ROBO2: variants seen among roughly 807,000 people sequenced by gnomAD.
The protein encoded by ROBO2 is roundabout homolog 2.
Under a neutral mutation model 160.8 loss-of-function variants are expected in ROBO2, and 53 were observed. That is an observed-to-expected ratio of 0.33 (90% CI 0.26 to 0.41). The LOEUF (loss-of-function observed/expected upper bound fraction) is 0.41. ROBO2 is among the 10% of genes least tolerant of loss of function. The pLI, the probability that ROBO2 is intolerant of heterozygous loss-of-function variation, is 1.00. For synonymous variants in ROBO2, 664 were observed against 611.7 expected, an observed-to-expected ratio of 1.09 and a Z score of -1.26; for missense variants, 1,577 against 1,722.4, an observed-to-expected ratio of 0.92 and a Z score of 1.49.
rs1481944248 is a variant in ROBO2 at position 77,087,795 on chromosome 3, TTCA to T, written c.62-10214_62-10212del. Among the ~76,000 whole-genome samples, 6 of 152,134 alleles carry T rather than the reference TTCA, an allele frequency of 3.9e-5. No homozygotes were observed. In the East Asian group the frequency reaches 7.7e-4, roughly 20 times the overall value. ...ATGTATATATACATATATGTATGTA[TTCA>T]TCATGGAGTCATAGGAATGTTGTAT... On this transcript the variant is annotated intron_variant, in intron 1 of 25. Transcript: ENST00000461745.
At chr3:76,021,715 G>A (rs1215434631) in intron 2 of ROBO2, among the ~76,000 whole-genome samples, 9 of 151,868 alleles carry the variant, frequency 5.9e-5, no homozygotes, top group South Asian at 2.1e-4. Context: ...TTTAATATAC[G>A]TTATTGCTAA....
At chr3:77,492,566 A>G (rs2086262723) in intron 4 of ROBO2, among the ~76,000 whole-genome samples, 1 of 152,166 alleles carries the variant, frequency 6.6e-6, no homozygotes, top group African/African-American at 2.4e-5. Flanking sequence ...AAATGGGTAG[A>G]TATCTCAAAC....
At chr3:77,187,409 G>A (rs188403205) in intron 2 of ROBO2, among the ~76,000 whole-genome samples, 1 of 151,908 alleles carries the variant, frequency 6.6e-6, no homozygotes, top group Non-Finnish European at 1.5e-5. Context: ...TTTGAATACA[G>A]TTCAAAATAA....
At chr3:76,829,830 G>A (rs192299310) in intron 2 of ROBO2, among the ~76,000 whole-genome samples, 283 of 152,000 alleles carry the variant, frequency 1.9e-3, no homozygotes, top group African/African-American at 5.8e-3. Flanking sequence ...CACCATGCCC[G>A]GCTAATTTTG....
chr3:77,248,479 A>G (rs2089983165), intron 2 of ROBO2, among the ~76,000 whole-genome samples: 1 of 152,146 alleles, frequency 6.6e-6, no homozygotes, highest in African/African-American at 2.4e-5. Flanking sequence ...TGCAGATGGC[A>G]AAGCTCAAAG....
intron 1 of ROBO2, among the ~76,000 whole-genome samples, chr3:77,089,275 C>G (rs529521089): frequency 6.6e-6 from 1 of 152,240 alleles, no homozygotes; most frequent in South Asian, 2.1e-4. Flanking sequence ...AAAGAAACTT[C>G]AGTTCTTTAG....
Position 77,424,262 on chromosome 3 carries a change from G to T in ROBO2, c.389-53152G>T, listed in dbSNP as rs150516962. On this transcript the variant is annotated intron_variant, in intron 2 of 25. Coordinates refer to ENST00000461745, the Ensembl canonical transcript of ROBO2. ...GAATTTTAAAGGACGGGTAGAATTT[G>T]GACAGGCAGAGGAAATGGGAGAATG... Among the ~76,000 whole-genome samples the T allele has an allele frequency of 1.4e-3, 216 of 152,228 alleles. 2 individuals are homozygous for T. The highest frequency in any genetic ancestry group is 4.3e-4 in the Non-Finnish European group (29 of 68,014).
At chr3:77,191,916 CATT>C (rs2081891427) in intron 2 of ROBO2, among the ~76,000 whole-genome samples, 3 of 152,228 alleles carry the variant, frequency 2.0e-5, no homozygotes, top group Non-Finnish European at 4.4e-5. Context: ...GAACGATAAA[CATT>C]ATAAATAACA....
intron 2 of ROBO2, among the ~76,000 whole-genome samples, chr3:76,715,643 A>G (rs1489005575): frequency 3.3e-5 from 5 of 152,202 alleles, no homozygotes; most frequent in Non-Finnish European, 7.3e-5. Flanking sequence ...GTGCATTGCA[A>G]TAAACTACTA....
chr3:77,638,077 A>G (rs927044536), intron 24 of ROBO2, among the ~76,000 whole-genome samples: 3 of 152,352 alleles, frequency 2.0e-5, no homozygotes, highest in South Asian at 2.1e-4. Context: ...TTTAATTATG[A>G]TACAGTGCAA....
chr3:76,241,580 G>A (rs960869706), intron 2 of ROBO2, among the ~76,000 whole-genome samples: 2 of 152,164 alleles, frequency 1.3e-5, no homozygotes, highest in African/African-American at 2.4e-5. Flanking sequence ...ATATTACTAA[G>A]TGAATAGAGT....
chr3:76,269,689 T>A (rs943928065), intron 2 of ROBO2, among the ~76,000 whole-genome samples: 1 of 151,938 alleles, frequency 6.6e-6, no homozygotes, highest in Non-Finnish European at 1.5e-5. Flanking sequence ...AATTATAACC[T>A]CCCTTACATT....
intron 23 of ROBO2, chr3:77,633,729 T>C (rs1429270029): frequency 6.6e-6 from 1 of 152,216 alleles, no homozygotes; most frequent in Non-Finnish European, 1.5e-5. Flanking sequence ...ATTGCAGAGG[T>C]TTATTTTTCA....
At chr3:77,598,774 T>C (rs866997682) in intron 19 of ROBO2, among the ~76,000 whole-genome samples, 27 of 152,176 alleles carry the variant, frequency 1.8e-4, no homozygotes, top group Middle Eastern at 3.2e-3. Context: ...CCTGAGCACC[T>C]GCTCATCAGG....
intron 2 of ROBO2, among the ~76,000 whole-genome samples, chr3:76,606,266 T>C (rs946143405): frequency 1.3e-5 from 2 of 151,328 alleles, no homozygotes; most frequent in Admixed American, 6.6e-5. Context: ...AGATTGTAGA[T>C]TGGTTTTCAA....
At chr3:77,031,075 G>A (rs2063291478) in intron 2 of ROBO2, among the ~76,000 whole-genome samples, 1 of 152,172 alleles carries the variant, frequency 6.6e-6, no homozygotes, top group Non-Finnish European at 1.5e-5. Context: ...CACCCTTGAA[G>A]GTGGGGCTTG....
intron 2 of ROBO2, among the ~76,000 whole-genome samples, chr3:76,220,078 C>G (rs1463629880): frequency 1.4e-5 from 2 of 148,130 alleles, no homozygotes; most frequent in African/African-American, 2.5e-5. Context: ...ATGGCAAGGA[C>G]AAAAAACCAA....
intron 2 of ROBO2, among the ~76,000 whole-genome samples, chr3:77,116,039 T>C (rs2074164972): frequency 6.6e-6 from 1 of 152,204 alleles, no homozygotes; most frequent in Non-Finnish European, 1.5e-5. Flanking sequence ...TTCAAGAGTT[T>C]TCTGCAGGGC....
intron 2 of ROBO2, among the ~76,000 whole-genome samples, chr3:76,147,739 T>C (rs2071973507): frequency 6.6e-6 from 1 of 151,836 alleles, no homozygotes; most frequent in East Asian, 1.9e-4. Context: ...TGAGGAGTTT[T>C]GGGCTGGAGT....
Sources: allele counts gnomAD v4.1 joint callset (sites outside exome capture counted in the v4.1 genomes callset), GRCh38; gene constraint gnomAD v4.1.1; transcripts MANE v1.5; gene names NCBI Gene and HGNC (gene_info 2026-07-23, HGNC 2026-07-21).